ZNF28: variants seen among roughly 807,000 people sequenced by gnomAD.
ZNF28 encodes the protein zinc finger protein KOX24.
Under a neutral mutation model 7.2 loss-of-function variants are expected in ZNF28, and 5 were observed. That is an observed-to-expected ratio of 0.70 (90% CI 0.36 to 1.46). ZNF28 has a LOEUF of 1.46. ZNF28 is among the 40% of genes most tolerant of loss of function. The pLI is 0.03. For missense variants in ZNF28, 879 were observed against 866.6 expected, an observed-to-expected ratio of 1.01 and a Z score of -0.18; for synonymous variants, 288 against 292.4, an observed-to-expected ratio of 0.99 and a Z score of 0.15.
At chr19:52,811,278 A>G (rs1427864284) in intron 2 of ZNF28, among the ~76,000 whole-genome samples, 2 of 151,586 alleles carry the variant, frequency 1.3e-5, no homozygotes, top group East Asian at 3.9e-4. Flanking sequence ...TTGGCCTCCC[A>G]AAGAGCCGAG....
Position 52,798,862 on chromosome 19 carries a change from T to A in ZNF28, c.*826A>T. On this transcript the variant is annotated 3_prime_UTR_variant, in exon 4 of 4. Transcript: ENST00000457749. ...AATCATTATATTAGTCAAGTTTCCC[T>A]ATACTATGGATTGCTTGATGGTGAA... 1 of 1,323,248 alleles carries A rather than the reference T, an allele frequency of 7.6e-7. No individual in the cohort carries two copies. The highest frequency in any genetic ancestry group is 3.1e-5 in the East Asian group (1 of 32,106). The allele number at this position is 1,323,248 out of a possible 1,614,324, so 82.0% of individuals were successfully genotyped here.
intron 2 of ZNF28, among the ~76,000 whole-genome samples, chr19:52,813,520 G>C (rs2063083221): frequency 7.9e-6 from 1 of 126,404 alleles, no homozygotes; most frequent in South Asian, 3.0e-4. Context: ...GGCTCTGGAA[G>C]GACACCAGAC....
chr19:52,803,888 T>C (rs552094022), intron 3 of ZNF28, among the ~76,000 whole-genome samples: 5 of 152,152 alleles, frequency 3.3e-5, no homozygotes, highest in African/African-American at 9.6e-5. Context: ...ACCCAGAAGG[T>C]GAAGGTTGCA....
intron 2 of ZNF28, among the ~76,000 whole-genome samples, chr19:52,809,605 A>T (rs2062986747): frequency 6.6e-6 from 1 of 152,206 alleles, no homozygotes. Context: ...CAAGAGTTCA[A>T]GACCAGCATG....
chr19:52,818,655 C>G (rs905197352), intron 1 of ZNF28, among the ~76,000 whole-genome samples: 2 of 151,964 alleles, frequency 1.3e-5, no homozygotes, highest in East Asian at 3.9e-4. Context: ...TGCAGTGACC[C>G]AAGATCGCGC....
At chr19:52,802,150 C>G (rs1711601813) in intron 3 of ZNF28, among the ~76,000 whole-genome samples, 1 of 152,118 alleles carries the variant, frequency 6.6e-6, no homozygotes, top group African/African-American at 2.4e-5. Context: ...GTAAGGATAA[C>G]CAAAATCAAT....
intron 3 of ZNF28, among the ~76,000 whole-genome samples, chr19:52,803,137 TG>T (rs2062895187): frequency 6.6e-6 from 1 of 152,126 alleles, no homozygotes; most frequent in Admixed American, 6.5e-5. Flanking sequence ...TGGAGTGCAA[TG>T]GTATGATCTT....
intron 2 of ZNF28, chr19:52,810,839 G>A (rs4803001): frequency 6.7e-6 from 1 of 148,258 alleles, no homozygotes; most frequent in Non-Finnish European, 1.1e-5. Context: ...TAAAAAAAGA[G>A]TCCCTCTCCC....
intron 1 of ZNF28, among the ~76,000 whole-genome samples, chr19:52,820,221 C>T (rs1190329003): frequency 1.5e-5 from 2 of 129,134 alleles, no homozygotes; most frequent in Non-Finnish European, 3.2e-5. Flanking sequence ...GGGTTCACGC[C>T]ATTCTCCTGC....
At chr19:52,807,822 T>A in intron 3 of ZNF28, 185 bp downstream of exon 3, 2 of 1,026,428 alleles carry the variant, frequency 1.9e-6, no homozygotes, top group East Asian at 5.2e-5. Flanking sequence ...TCCACTGAGC[T>A]ATCATGAAGA....
At chr19:52,807,949 G>A (rs1279753533) in intron 3 of ZNF28, 58 bp downstream of exon 3, 2 of 1,608,820 alleles carry the variant, frequency 1.2e-6, no homozygotes, top group African/African-American at 2.7e-5. Context: ...GCTCCCAAGA[G>A]GCAACAAGAG....
intron 2 of ZNF28, among the ~76,000 whole-genome samples, chr19:52,816,482 G>A (rs1164798637): frequency 1.4e-5 from 2 of 145,266 alleles, no homozygotes; most frequent in African/African-American, 5.4e-5. Context: ...GGCTAACACG[G>A]TGAAACCCCG....
intron 1 of ZNF28, among the ~76,000 whole-genome samples, chr19:52,818,904 A>T (rs1320150002): frequency 7.2e-6 from 1 of 138,424 alleles, no homozygotes; most frequent in Non-Finnish European, 1.5e-5. Flanking sequence ...AAAAAAAAAA[A>T]GTGCATTTCT....
intron 3 of ZNF28, among the ~76,000 whole-genome samples, chr19:52,802,848 C>T (rs2062890460): frequency 6.6e-6 from 1 of 150,900 alleles, no homozygotes; most frequent in Non-Finnish European, 1.5e-5. Flanking sequence ...GCAAGCTCCA[C>T]CTCCCGGGTT....
At position 52,801,008 on chromosome 19, in the gene ZNF28, G is replaced by A. The variant is rs758292357; in HGVS notation, c.837C>T (p.Ile279=). 2.5e-6 allele frequency: 4 copies of A among 1,613,894 alleles called. No individual in the cohort carries two copies. Among genetic ancestry groups the A allele is most frequent in the Non-Finnish European group, 3.4e-6 (4 of 1,179,994 alleles). ...GGAAGAGGGATGTATTGTGACCAAA[G>A]ATCTTGCCACACTCATTACACTTGT... ...KPYKCNECGK[I]FGHNTSLFLH... is the part of the protein sequence containing the mutation. Residue 279 remains isoleucine (I), a synonymous_variant, in exon 4 of 4, where the codon ATC becomes ATT. Transcript: ENST00000457749.
At chr19:52,809,816 C>T (rs2062990529) in intron 2 of ZNF28, 2 of 527,564 alleles carry the variant, frequency 3.8e-6, no homozygotes, top group Admixed American at 3.8e-5. Context: ...CCAGTCTGAG[C>T]GGCGAAGGCG....
intron 2 of ZNF28, among the ~76,000 whole-genome samples, chr19:52,814,811 A>G (rs11670643): frequency 0.63 from 91,732 of 144,980 alleles, 32,943 homozygotes; most frequent in Non-Finnish European, 0.72. Context: ...CGCTTGAACC[A>G]GGAAGGCAGA....
Position 52,800,489 on chromosome 19 carries a change from T to C in ZNF28, c.1356A>G (p.Ser452=). 6.2e-7 allele frequency: 1 copy of C among 1,613,702 alleles called. No homozygotes were observed. The highest frequency in any genetic ancestry group is 8.5e-7 in the Non-Finnish European group (1 of 1,179,850). The part of the protein sequence containing the change: ...NECGKVFNQQ[S]TLARHHRLHT... ...GAAGTCTATGATGGCGTGCAAGAGTTGATTGTTGATTAAAAACCTTGCCAC... is the reference window on the plus strand; with the variant it reads ...GAAGTCTATGATGGCGTGCAAGAGTCGATTGTTGATTAAAAACCTTGCCAC... The change falls in exon 4 of 4, where the codon TCA becomes TCG. Residue 452 remains serine (S), a synonymous_variant. Coordinates refer to ENST00000457749, the MANE Select transcript of ZNF28 (RefSeq NM_006969.5).
chr19:52,809,530 T>C (rs932802053), intron 2 of ZNF28, among the ~76,000 whole-genome samples: 1 of 152,162 alleles, frequency 6.6e-6, no homozygotes, highest in Non-Finnish European at 1.5e-5. Flanking sequence ...ATTATGGGCC[T>C]GGCGCGGTGG....
Sources: gnomAD v4.1 joint callset for allele counts (sites outside exome capture counted in the v4.1 genomes callset) on GRCh38, gnomAD v4.1.1 for gene constraint, MANE v1.5 for transcripts, NCBI Gene and HGNC (gene_info 2026-07-23, HGNC 2026-07-21) for gene names.